Variants in SLC25A48 observed in about 807,000 individuals in gnomAD.
SLC25A48 encodes solute carrier family 25 member 48.
In SLC25A48, 29 loss-of-function variants were observed where a neutral mutation model predicts 32.2. The observed-to-expected ratio is 0.90, with a 90% confidence interval of 0.67 to 1.23. The LOEUF is 1.23. SLC25A48 is among the 50% of genes most tolerant of loss of function. The probability of loss-of-function intolerance (pLI) is 0.00; values close to 1 mark genes in which losing one functional copy is unlikely to be tolerated. For missense variants in SLC25A48, 399 were observed against 422.7 expected (o/e 0.94, Z 0.49); for synonymous variants, 164 against 172.3 (o/e 0.95, Z 0.38).
chr5:135,715,603 C>T (rs557176174), intron 3 of SLC25A48, among the ~76,000 whole-genome samples: 38 of 152,300 alleles, frequency 2.5e-4, no homozygotes, highest in Admixed American at 1.7e-3. Context: ...CCTTACTGGA[C>T]GCTCCAAAGC....
intron 3 of SLC25A48, among the ~76,000 whole-genome samples, chr5:135,730,958 C>T (rs192982123): frequency 1.3e-5 from 2 of 152,312 alleles, no homozygotes; most frequent in Non-Finnish European, 2.9e-5. Context: ...CGGCCCCAAC[C>T]AGGGCTCTTT....
intron 1 of SLC25A48, among the ~76,000 whole-genome samples, chr5:135,625,359 G>C (rs1021909246): frequency 1.3e-5 from 2 of 152,112 alleles, no homozygotes; most frequent in Non-Finnish European, 2.9e-5. Context: ...TGGAGGAGTG[G>C]GGACAGAAGA....
Position 135,750,410 on chromosome 5 carries a change from C to T in SLC25A48, c.-520-62113C>T, listed in dbSNP as rs1755742377. On this transcript the variant is annotated intron_variant, in intron 3 of 10. Coordinates refer to the SLC25A48 transcript ENST00000646290. ...CAAATGGCCTCACTCTCCCACTGGC[C>T]TTGATTCCCTCCTAGTGGCCTCCCT... is the stretch of plus-strand genomic sequence containing the variant. 2.6e-5 allele frequency among the ~76,000 whole-genome samples: 4 copies of T among 152,180 alleles called. No homozygotes were observed. The South Asian group carries it at 6.2e-4, about 24-fold the overall frequency.
At chr5:135,627,183 C>G (rs956728801) in intron 1 of SLC25A48, among the ~76,000 whole-genome samples, 4 of 152,174 alleles carry the variant, frequency 2.6e-5, no homozygotes, top group African/African-American at 9.7e-5. Flanking sequence ...GCTGACTGCT[C>G]GAGCTAACAT....
rs186686858 is a variant in SLC25A48, at chr5:135,593,168, T to G, written c.-849+13571T>G. Among the ~76,000 whole-genome samples, 845 of 152,264 alleles carry G rather than the reference T, an allele frequency of 5.5e-3. 7 individuals carry two copies. Among genetic ancestry groups the G allele is most frequent in the African/African-American group, 0.019 (800 of 41,554 alleles). On this transcript the variant is annotated intron_variant, in intron 1 of 10. Transcript: ENST00000646290. ...TGCATTGTTCCCCCCACACCCCTCC[T>G]TTCTGATTGACCAGTCCCTCATTTC...
intron 6 of SLC25A48, chr5:135,876,300 A>G (rs1483815000): frequency 6.6e-6 from 1 of 151,948 alleles, no homozygotes; most frequent in Non-Finnish European, 1.5e-5. Flanking sequence ...AAAAGTCTGT[A>G]GAGGCAAAAT....
At chr5:135,646,782 A>G (rs545064328) in intron 3 of SLC25A48, among the ~76,000 whole-genome samples, 2 of 151,140 alleles carry the variant, frequency 1.3e-5, no homozygotes, top group East Asian at 3.9e-4. Flanking sequence ...GAACTCATAG[A>G]ATCAGAAGTA....
At chr5:135,682,537 G>A (rs562165939) in intron 3 of SLC25A48, among the ~76,000 whole-genome samples, 1 of 152,304 alleles carries the variant, frequency 6.6e-6, no homozygotes, top group South Asian at 2.1e-4. Context: ...GCATACATAT[G>A]TGCCTTTCCT....
At chr5:135,835,266 G>GTA in intron 1 of SLC25A48, 1 of 480,732 alleles carries the variant, frequency 2.1e-6, no homozygotes, top group African/African-American at 1.9e-5. Flanking sequence ...GGGAACTTAT[G>GTA]TATGAGGGTA....
At chr5:135,627,626 C>T (rs952467985) in intron 1 of SLC25A48, among the ~76,000 whole-genome samples, 3 of 152,148 alleles carry the variant, frequency 2.0e-5, no homozygotes, top group Non-Finnish European at 4.4e-5. Context: ...CAAGGACTCT[C>T]CTTCCCTCTT....
At chr5:135,796,007 C>CG (rs1159766305) in intron 3 of SLC25A48, among the ~76,000 whole-genome samples, 14 of 26,124 alleles carry the variant, frequency 5.4e-4, no homozygotes, top group Non-Finnish European at 1.6e-3. Flanking sequence ...CCCAGTATCG[C>CG]GAGGGGGGGG....
chr5:135,762,077 G>A (rs1019453443), intron 3 of SLC25A48, among the ~76,000 whole-genome samples: 1 of 152,234 alleles, frequency 6.6e-6, no homozygotes, highest in African/African-American at 2.4e-5. Context: ...AGAAGTTTCT[G>A]TAGAAATGTG....
At chr5:135,745,145 G>C (rs75578570) in intron 3 of SLC25A48, among the ~76,000 whole-genome samples, 2 of 152,322 alleles carry the variant, frequency 1.3e-5, no homozygotes, top group East Asian at 1.9e-4. Flanking sequence ...TCAGACCTGA[G>C]AGCCCCGAAC....
intron 4 of SLC25A48, among the ~76,000 whole-genome samples, chr5:135,854,413 T>G (rs997761111): frequency 2.0e-5 from 3 of 152,258 alleles, no homozygotes; most frequent in Admixed American, 2.0e-4. Context: ...GTTCATCAAT[T>G]CTCTTAGCTA....
At chr5:135,818,053 TC>T (rs1757772604) in intron 4 of SLC25A48, among the ~76,000 whole-genome samples, 1 of 46,560 alleles carries the variant, frequency 2.1e-5, no homozygotes, top group Non-Finnish European at 4.1e-5. Flanking sequence ...TTCTCTCTGT[TC>T]CTCTCTCTCT....
At chr5:135,619,986 T>C (rs556006931) in intron 1 of SLC25A48, among the ~76,000 whole-genome samples, 27 of 152,300 alleles carry the variant, frequency 1.8e-4, no homozygotes, top group African/African-American at 6.5e-4. Flanking sequence ...GGTGGCTTGC[T>C]TGGGTGCCAG....
rs557673964 is a variant in SLC25A48, at chr5:135,629,991, G to A, written c.-709+615G>A. Among the ~76,000 whole-genome samples the A allele has an allele frequency of 3.5e-4, 54 of 152,220 alleles. No homozygotes were observed. The highest frequency in any genetic ancestry group is 7.1e-4 in the Non-Finnish European group (48 of 68,038). ...ACAAGACCCCAGAGACTCATGATCT[G>A]ATCAGTCCATCTGTGTGCACCTGCT... On this transcript the variant is annotated intron_variant, in intron 2 of 10. Transcript: ENST00000646290. This position sits in a 1 kb window ranked among gnomAD's most constrained non-coding sequence, Gnocchi z 4.8.
At chr5:135,775,979 C>T (rs72791323) in intron 3 of SLC25A48, among the ~76,000 whole-genome samples, 60,948 of 151,370 alleles carry the variant, frequency 0.4, 14,158 homozygotes, top group Non-Finnish European at 0.52. Flanking sequence ...ATATTACTCC[C>T]AATATCACAG....
At chr5:135,694,844 C>T (rs563582128) in intron 3 of SLC25A48, among the ~76,000 whole-genome samples, 1 of 152,304 alleles carries the variant, frequency 6.6e-6, no homozygotes, top group South Asian at 2.1e-4. Context: ...ACCTTGCCCT[C>T]CCAAAGTGCT....
Sources: gnomAD v4.1 joint callset for allele counts (sites outside exome capture counted in the v4.1 genomes callset) on GRCh38, gnomAD v4.1.1 for gene constraint, Gnocchi (gnomAD v3.1) non-coding constraint, MANE v1.5 for transcripts, NCBI Gene and HGNC (gene_info 2026-07-23, HGNC 2026-07-21) for gene names.